BACH2: variants seen among roughly 807,000 people sequenced by gnomAD.
BACH2 encodes the protein BACH transcriptional regulator 2, also known as transcription regulator protein BACH2.
In BACH2, 5 loss-of-function variants were observed where a neutral mutation model predicts 61.8. The ratio of observed to expected loss-of-function variants is 0.08; its 90% confidence interval spans 0.04 to 0.17. The LOEUF is 0.17. Ranked by LOEUF, BACH2 falls within the 10% of genes least tolerant of loss-of-function variation. BACH2 has a pLI of 1.00. For missense variants in BACH2, 824 were observed against 1,091.1 expected, an observed-to-expected ratio of 0.76 and a Z score of 3.45; for synonymous variants, 446 against 440.1, an observed-to-expected ratio of 1.01 and a Z score of -0.17.
chr6:90,111,848 C>T (rs1484570084), intron 4 of BACH2, among the ~76,000 whole-genome samples: 1 of 152,202 alleles, frequency 6.6e-6, no homozygotes, highest in African/African-American at 2.4e-5. Context: ...ATGCCATATC[C>T]TTACCATCTA....
intron 2 of BACH2, among the ~76,000 whole-genome samples, chr6:90,264,792 C>T (rs1771272355): frequency 6.6e-6 from 1 of 152,172 alleles, no homozygotes; most frequent in Non-Finnish European, 1.5e-5. Context: ...GGTTCACCTG[C>T]TGTCTCTCCA....
chr6:90,165,094 T>C (rs1767562614), intron 4 of BACH2, among the ~76,000 whole-genome samples: 1 of 152,066 alleles, frequency 6.6e-6, no homozygotes, highest in Admixed American at 6.6e-5. Context: ...AAATAAAGGG[T>C]ATTCAATTAG....
In BACH2 at chr6:89,951,622, C is replaced by T. The variant is rs774952715; in HGVS notation, c.484G>A (p.Glu162Lys). ...GTCTCCTCCTCTTCATCCTCCTCCT[C>T]TCCTGCAGAGTTCTCGCAGTCCTCG... ...PHEDCENSAG[E>K]EEDEEEETMD... The change falls in exon 7 of 9, where the codon GAG (glutamate) becomes AAG (lysine). Residue 162 changes from glutamate (E) to lysine (K), a missense_variant. Glu to Lys is a moderately conservative substitution (Grantham distance 56). Around this residue, in one of 8 missense-constraint regions of BACH2, gnomAD observed 107 missense variants for 121.7 expected, o/e 0.88. Coordinates refer to ENST00000257749, the MANE Select transcript of BACH2 (RefSeq NM_021813.4). This position sits in a 1 kb window ranked among gnomAD's most constrained non-coding sequence, Gnocchi z 6.4. The T allele has an allele frequency of 1.2e-5, 19 of 1,614,102 alleles. No homozygotes were observed. In the East Asian group the frequency reaches 3.3e-4, roughly 28 times the overall value.
intron 3 of BACH2, among the ~76,000 whole-genome samples, chr6:90,240,400 ATAATT>A (rs1256962893): frequency 3.9e-5 from 6 of 152,344 alleles, no homozygotes; most frequent in East Asian, 1.9e-4. Flanking sequence ...GAATTTTAAT[ATAATT>A]TATGTGAAAA....
chr6:90,268,018 T>TG, intron 2 of BACH2, among the ~76,000 whole-genome samples: 1 of 151,344 alleles, frequency 6.6e-6, no homozygotes, highest in South Asian at 2.1e-4. Context: ...TTGTTTTTTT[T>TG]TTTTTTTCAA....
At chr6:90,156,216 T>A (rs1471329993) in intron 4 of BACH2, among the ~76,000 whole-genome samples, 1 of 152,184 alleles carries the variant, frequency 6.6e-6, no homozygotes, top group Non-Finnish European at 1.5e-5. Context: ...CACAAGAGTT[T>A]TTCTTTATAG....
At chr6:90,235,434 AT>A (rs1770228586) in intron 3 of BACH2, among the ~76,000 whole-genome samples, 2 of 152,370 alleles carry the variant, frequency 1.3e-5, no homozygotes, top group South Asian at 4.1e-4. Flanking sequence ...CACAGTAAAC[AT>A]TCAAGAATTA....
At chr6:90,033,530 C>A (rs1328231353) in intron 5 of BACH2, among the ~76,000 whole-genome samples, 1 of 152,018 alleles carries the variant, frequency 6.6e-6, no homozygotes, top group African/African-American at 2.4e-5. Context: ...TAAAAACAAA[C>A]CACTCATGAT....
rs563556944 is a variant in BACH2, at chr6:89,951,428, C to T, written c.678G>A (p.Thr226=). 1.1e-5 allele frequency: 17 copies of T among 1,614,214 alleles called. No homozygotes were observed. In the African/African-American group the frequency reaches 1.6e-4, roughly 15 times the overall value. Residue 226 remains threonine, a synonymous_variant, in exon 7 of 9, where the codon ACG becomes ACA. Transcript: ENST00000257749. This position sits in a 1 kb window ranked among gnomAD's most constrained non-coding sequence, Gnocchi z 6.4. ...GGTATTTCTTGTATCTGGGGTACTG[C>T]GTTAACGCGTCCTTTTCTGAGCTCT... ...TKESSEKDAL[T]QYPRYKKYQL...
intron 5 of BACH2, among the ~76,000 whole-genome samples, chr6:90,025,399 T>G (rs140634683): frequency 5.3e-5 from 8 of 152,254 alleles, no homozygotes; most frequent in Admixed American, 1.3e-4. Flanking sequence ...CTTTTCTATA[T>G]TGTCACTTCC....
At chr6:90,101,522 C>T (rs765466172) in intron 4 of BACH2, among the ~76,000 whole-genome samples, 3 of 152,096 alleles carry the variant, frequency 2.0e-5, no homozygotes, top group African/African-American at 7.2e-5. Flanking sequence ...TGTTCTGGAA[C>T]CCTTGTTGAA....
intron 4 of BACH2, among the ~76,000 whole-genome samples, chr6:90,159,198 C>T (rs1016146516): frequency 4.6e-5 from 7 of 152,250 alleles, no homozygotes; most frequent in Middle Eastern, 3.4e-3. Context: ...AAATCAACTA[C>T]GTGGTCTAGT....
intron 7 of BACH2, among the ~76,000 whole-genome samples, chr6:89,949,104 A>G (rs1562316405): frequency 1.3e-5 from 2 of 152,176 alleles, no homozygotes; most frequent in Non-Finnish European, 1.5e-5. Context: ...CTCTGTGAAA[A>G]GCCACCTCAT....
rs571054915 is a variant in BACH2, at chr6:90,044,050, G to C, written c.-12-35194C>G. ...TGTATAACACATGATGCCATGTACT[G>C]TTCTAGGTACCTGAGGATATAGCAA... On this transcript the variant is annotated intron_variant, in intron 5 of 8. Transcript: ENST00000257749. Among the ~76,000 whole-genome samples, 3 of 152,230 alleles carry C rather than the reference G, an allele frequency of 2.0e-5. No homozygotes were observed. In the South Asian group the frequency reaches 6.2e-4, roughly 32 times the overall value.
chr6:90,227,606 T>A (rs966142626), intron 3 of BACH2, among the ~76,000 whole-genome samples: 3 of 152,172 alleles, frequency 2.0e-5, no homozygotes, highest in African/African-American at 7.2e-5. Flanking sequence ...AGCAGCAAGA[T>A]GTAGACAGAC....
chr6:89,944,745 A>C (rs1198326778), intron 7 of BACH2, among the ~76,000 whole-genome samples: 1 of 144,630 alleles, frequency 6.9e-6, no homozygotes, highest in Non-Finnish European at 1.5e-5. Context: ...ATACACTTTT[A>C]TCTCTCTCAG....
At chr6:90,192,553 T>C (rs928666570) in intron 4 of BACH2, among the ~76,000 whole-genome samples, 1 of 152,186 alleles carries the variant, frequency 6.6e-6, no homozygotes, top group South Asian at 2.1e-4. Flanking sequence ...ACAACCGTCT[T>C]CTGCACTCAC....
chr6:90,006,288 T>A (rs1777401884), intron 6 of BACH2, among the ~76,000 whole-genome samples: 1 of 152,186 alleles, frequency 6.6e-6, no homozygotes, highest in African/African-American at 2.4e-5. Flanking sequence ...GTGCTGAGAA[T>A]TTTTGTATTT....
intron 4 of BACH2, among the ~76,000 whole-genome samples, chr6:90,184,843 T>C (rs1237526050): frequency 1.3e-5 from 2 of 152,232 alleles, no homozygotes; most frequent in South Asian, 2.1e-4. Flanking sequence ...AACAGAGGGC[T>C]GGTGATTTTT....
Sources: allele counts gnomAD v4.1 joint callset (sites outside exome capture counted in the v4.1 genomes callset), GRCh38; gene constraint gnomAD v4.1.1; regional missense constraint gnomAD v4.1.1; non-coding constraint Gnocchi (gnomAD v3.1); transcripts MANE v1.5; gene names NCBI Gene and HGNC (gene_info 2026-07-23, HGNC 2026-07-21).